Variants in CPNE1 observed in about 807,000 individuals in gnomAD.
CPNE1 encodes copine-1.
In CPNE1, 58 loss-of-function variants were observed where a neutral mutation model predicts 63.2. That is an observed-to-expected ratio of 0.92 (90% CI 0.74 to 1.14). The LOEUF (loss-of-function observed/expected upper bound fraction) is 1.14. Among genes scored for constraint, CPNE1 ranks in the 50% most tolerant of loss-of-function variants. The pLI, the probability that CPNE1 is intolerant of heterozygous loss-of-function variation, is 0.00. For missense variants in CPNE1, 672 were observed against 661.7 expected (o/e 1.02, Z -0.17); for synonymous variants, 237 against 249.0 (o/e 0.95, Z 0.45).
At chr20:35,634,254 C>CT (rs1263434198) in intron 1 of CPNE1, among the ~76,000 whole-genome samples, 8 of 132,606 alleles carry the variant, frequency 6.0e-5, no homozygotes, top group Non-Finnish European at 1.1e-4. Flanking sequence ...GAGGTTGACT[C>CT]TGTCACAAAA....
chr20:35,658,081 T>TA (rs111472845), intron 1 of CPNE1, among the ~76,000 whole-genome samples: 2 of 151,386 alleles, frequency 1.3e-5, no homozygotes, highest in East Asian at 1.9e-4. Flanking sequence ...AATAAAAATT[T>TA]AAAAAAAAAT....
chr20:35,631,005 T>C lies in CPNE1; in HGVS notation c.891A>G (p.Gly297=). 1 of 1,613,844 alleles carries C rather than the reference T, an allele frequency of 6.2e-7. No homozygotes were observed. Among genetic ancestry groups the C allele is most frequent in the Non-Finnish European group, 8.5e-7 (1 of 1,179,948 alleles). Residue 297 remains glycine (G), a synonymous_variant, in exon 11 of 16, where the codon GGA becomes GGG. Coordinates refer to ENST00000397443, the MANE Select transcript of CPNE1 (RefSeq NM_152925.3). ...GTAGGGAGTCAGGTGAGGAGGGGTC[T>C]CCATTGGAGCCAGTGAAGTCCACGC... ...TVGVDFTGSN[G]DPSSPDSLHY...
At chr20:35,634,508 C>G (rs369468865) in intron 1 of CPNE1, among the ~76,000 whole-genome samples, 6 of 150,728 alleles carry the variant, frequency 4.0e-5, no homozygotes, top group Non-Finnish European at 8.9e-5. Flanking sequence ...GCAGGAGAAT[C>G]GCTTGAACCT....
At position 35,630,790 on chromosome 20, in the gene CPNE1, T is replaced by C; in HGVS notation, c.1001A>G (p.Lys334Arg). The change falls in exon 12 of 16, where the codon AAG (lysine) becomes AGG (arginine). Residue 334 changes from lysine (K) to arginine (R), a missense_variant. Lys to Arg is a conservative substitution (Grantham distance 26). Coordinates refer to ENST00000397443, the MANE Select transcript of CPNE1 (RefSeq NM_152925.3). ...CCCAAATCCAAATGCAGGGAACAGC[T>C]TGTCTCTGTGGGAGGACAGTGTATT... The part of the protein sequence containing the change: ...GSVVQDYDSD[K>R]LFPAFGFGAQ... The C allele has an allele frequency of 1.9e-6, 3 of 1,613,482 alleles. No homozygotes were observed. The highest frequency in any genetic ancestry group is 2.2e-5 in the East Asian group (1 of 44,884).
rs531760925 is a variant in CPNE1 at position 35,635,846 on chromosome 20, T to C, written c.1-2923A>G. ...TCCATCTGGAATGCTGTTATCAAAG[T>C]TGGAATGCTTCAGAGTTCAACTTGC... On this transcript the variant is annotated intron_variant, in intron 1 of 15. Coordinates refer to ENST00000397443, the MANE Select transcript of CPNE1 (RefSeq NM_152925.3). Among the ~76,000 whole-genome samples the C allele has an allele frequency of 2.0e-5, 3 of 152,300 alleles. No individual in the cohort carries two copies. In the South Asian group the frequency reaches 6.2e-4, roughly 32 times the overall value.
At chr20:35,655,910 TTAAA>T (rs1307128856) in intron 1 of CPNE1, among the ~76,000 whole-genome samples, 1 of 152,214 alleles carries the variant, frequency 6.6e-6, no homozygotes, top group African/African-American at 2.4e-5. Flanking sequence ...GATTCAAGTC[TTAAA>T]TGAGAACTGG....
intron 1 of CPNE1, chr20:35,650,190 TTG>T (rs994577655): frequency 4.6e-5 from 7 of 152,560 alleles, no homozygotes; most frequent in African/African-American, 1.7e-4. Context: ...ACGAGCACTG[TTG>T]TGATTCATAT....
At chr20:35,646,128 TA>T (rs111736754) in intron 1 of CPNE1, among the ~76,000 whole-genome samples, 25,832 of 133,228 alleles carry the variant, frequency 0.19, 2,605 homozygotes, top group African/African-American at 0.32. Flanking sequence ...ACAAAAAAAT[TA>T]AAAAAAAAAA....
chr20:35,653,642 G>A (rs1473709570), intron 1 of CPNE1: 2 of 1,614,180 alleles, frequency 1.2e-6, no homozygotes, highest in East Asian at 2.2e-5. Flanking sequence ...AGGAACTGAA[G>A]AACATCCATC....
rs771120968 is a variant in CPNE1 at position 35,627,270 on chromosome 20, C to A, written c.1236+10G>T. The A allele has an allele frequency of 1.9e-6, 3 of 1,611,126 alleles. No homozygotes were observed. The East Asian group carries it at 6.7e-5, about 36-fold the overall frequency. On this transcript the variant is annotated intron_variant, in intron 14 of 15. Transcript: ENST00000397443. ...TTGCCACCACTGCCACTGCCACCCA[C>A]GACTCTCACCGAGGCAGTCCCCTGA... is the stretch of plus-strand genomic sequence containing the variant.
chr20:35,655,180 G>T (rs1226014565), intron 1 of CPNE1: 2 of 1,614,110 alleles, frequency 1.2e-6, no homozygotes, highest in Non-Finnish European at 1.7e-6. Context: ...TTCATCAGTG[G>T]CAAAAACGAT....
rs771842258 is a variant in CPNE1, at chr20:35,632,018, AG to A, written c.463del (p.Leu155TrpfsTer31). ...EARNLDKKDF[L>X]GKSDPFLEFF... ...CTCCAGAAATGGATCTGATTTTCCC[AG>A]GAAGTCCTGCCAATGCGAGACCCCA... On this transcript the variant is annotated frameshift_variant, in exon 6 of 16. Transcript: ENST00000397443. LOFTEE classifies it high-confidence loss of function. The A allele has an allele frequency of 7.7e-5, 125 of 1,613,956 alleles. No homozygotes were observed. The highest frequency in any genetic ancestry group is 1.0e-4 in the Non-Finnish European group (121 of 1,179,996).
At chr20:35,653,556 C>G in intron 1 of CPNE1, 1 of 1,614,194 alleles carries the variant, frequency 6.2e-7, no homozygotes, top group South Asian at 1.1e-5. Context: ...TAAACTGAAC[C>G]AATGCCTGTC....
intron 1 of CPNE1, among the ~76,000 whole-genome samples, chr20:35,643,791 T>C (rs931551038): frequency 6.6e-6 from 1 of 152,030 alleles, no homozygotes; most frequent in Admixed American, 6.6e-5. Context: ...AGCTTGACCG[T>C]GGAGGCCAAG....
At chr20:35,627,457 A>C in intron 13 of CPNE1, 44 bp from the exon 14 acceptor site, 4 of 1,604,956 alleles carry the variant, frequency 2.5e-6, no homozygotes, top group Non-Finnish European at 3.4e-6. Flanking sequence ...TGGACCTCTC[A>C]GGACTACACC....
intron 1 of CPNE1, chr20:35,653,577 C>T: frequency 6.2e-7 from 1 of 1,614,212 alleles, no homozygotes; most frequent in Non-Finnish European, 8.5e-7. Flanking sequence ...CTAGACCTTG[C>T]CCATTGTTAT....
rs761112835 is a variant in CPNE1 at position 35,632,040 on chromosome 20, C to A, written c.457-15G>T. 4 of 1,613,300 alleles carry A rather than the reference C, an allele frequency of 2.5e-6. No homozygotes were observed. Among genetic ancestry groups the A allele is most frequent in the East Asian group, 4.5e-5 (2 of 44,890 alleles). ...CCCAGGAAGTCCTGCCAATGCGAGA[C>A]CCCAGTTACAAGACTCAGGAACAAA... On this transcript the variant is annotated splice_polypyrimidine_tract_variant and intron_variant, in intron 5 of 15. Transcript: ENST00000397443.
At position 35,632,311 on chromosome 20, in the gene CPNE1, C is replaced by T. The variant is rs376888862; in HGVS notation, c.384G>A (p.Thr128=). 10 of 1,613,854 alleles carry T rather than the reference C, an allele frequency of 6.2e-6. No individual in the cohort carries two copies. In the African/African-American group the frequency reaches 9.4e-5, roughly 15 times the overall value. Reference sequence around the variant, plus strand: ...CCTCAACCCTTGCTGGGTTCCTTACCGTGATGGTCCCCCGCCCAGCAGGTT... The same window carrying T: ...CCTCAACCCTTGCTGGGTTCCTTACTGTGATGGTCCCCCGCCCAGCAGGTT... ...PGKPAGRGTI[T]VSAQELKDNR... Residue 128 remains threonine, a splice_region_variant and synonymous_variant, in exon 4 of 16, where the codon ACG becomes ACA. Coordinates refer to ENST00000397443, the MANE Select transcript of CPNE1 (RefSeq NM_152925.3).
At position 35,631,968 on chromosome 20, in the gene CPNE1, A is replaced by G. The variant is rs2032176509; in HGVS notation, c.514T>C (p.Trp172Arg). 1.9e-6 allele frequency: 3 copies of G among 1,613,882 alleles called. No individual in the cohort carries two copies. The highest frequency in any genetic ancestry group is 1.3e-5 in the African/African-American group (1 of 74,932). The change falls in exon 6 of 16, where the codon TGG becomes CGG. Residue 172 changes from tryptophan to arginine, a missense_variant. Coordinates refer to ENST00000397443, the MANE Select transcript of CPNE1 (RefSeq NM_152925.3). ...ACCTCAGATCTGTACACCAGGTGCC[A>G]TTTCCCATCACCCTGGCGGAAGAAC... ...LEFFRQGDGKWHLVYRSEVIK... is the reference protein window; with the variant it reads ...LEFFRQGDGKRHLVYRSEVIK...
Sources: gnomAD v4.1 joint callset for allele counts (sites outside exome capture counted in the v4.1 genomes callset) on GRCh38, gnomAD v4.1.1 for gene constraint, MANE v1.5 for transcripts, NCBI Gene and HGNC (gene_info 2026-07-23, HGNC 2026-07-21) for gene names.